The following NUP210 variants were observed in gnomAD, a reference collection of about 807,000 sequenced individuals.
NUP210 encodes the protein nucleoporin 210, also known as nuclear pore membrane glycoprotein 210.
Under a neutral mutation model 196.0 loss-of-function variants are expected in NUP210, and 151 were observed. The ratio of observed to expected loss-of-function variants is 0.77; its 90% confidence interval spans 0.67 to 0.88. NUP210 has a LOEUF of 0.88. Among genes scored for constraint, NUP210 ranks in the 40% least tolerant of loss-of-function variants. NUP210 has a pLI of 0.00. For synonymous variants in NUP210, 1,070 were observed against 1,052.7 expected (o/e 1.02, Z -0.32); for missense variants, 2,314 against 2,493.7 (o/e 0.93, Z 1.53).
chr3:13,391,083 G>A (rs954182307), intron 4 of NUP210, 128 bp downstream of exon 4: 38 of 664,376 alleles, frequency 5.7e-5, no homozygotes, highest in Non-Finnish European at 1.0e-4. Flanking sequence ...GGAATGTTAC[G>A]GGCATCCTAG....
At chr3:13,393,016 G>A (rs1699541005) in intron 3 of NUP210, among the ~76,000 whole-genome samples, 1 of 152,208 alleles carries the variant, frequency 6.6e-6, no homozygotes. Context: ...AACCAGAAAC[G>A]CAAGACTGCA....
intron 1 of NUP210, among the ~76,000 whole-genome samples, chr3:13,414,578 GC>G (rs899252461): frequency 5.9e-5 from 9 of 152,066 alleles, no homozygotes; most frequent in Non-Finnish European, 1.2e-4. Context: ...ACATGGCCCC[GC>G]CCTGCCAACC....
chr3:13,395,861 A>G (rs1464764640), intron 3 of NUP210, among the ~76,000 whole-genome samples: 2 of 152,182 alleles, frequency 1.3e-5, no homozygotes, highest in African/African-American at 4.8e-5. Context: ...TTCTTTCCCT[A>G]TAGCAACACT....
intron 36 of NUP210, among the ~76,000 whole-genome samples, chr3:13,320,852 A>G (rs1005590203): frequency 8.0e-5 from 12 of 150,284 alleles, no homozygotes; most frequent in African/African-American, 2.9e-4. Flanking sequence ...AGATTGCGCC[A>G]CTGCACTCCA....
intron 20 of NUP210, among the ~76,000 whole-genome samples, chr3:13,343,506 G>A (rs537986508): frequency 1.6e-4 from 25 of 152,326 alleles, no homozygotes; most frequent in African/African-American, 5.8e-4. Flanking sequence ...CCCACCTCTC[G>A]TCATGAGCCC....
chr3:13,417,828 A>T (rs1249624962), intron 1 of NUP210, among the ~76,000 whole-genome samples: 1 of 152,212 alleles, frequency 6.6e-6, no homozygotes, highest in Admixed American at 6.5e-5. Context: ...TGCATCAGAG[A>T]TTAAGAATGT....
Position 13,379,709 on chromosome 3 carries a change from G to A in NUP210, c.830C>T (p.Pro277Leu), listed in dbSNP as rs749146284. Reference sequence around the variant, plus strand: ...AAGCTGCAACTCGTACTGATCGGAAGGCATGGAGAGTTCTGGCCACCAAGA... The same window carrying A: ...AAGCTGCAACTCGTACTGATCGGAAAGCATGGAGAGTTCTGGCCACCAAGA... The part of the protein sequence containing the change: ...RQGKITELSM[P>L]SDQYELQLQN... Residue 277 changes from proline (P) to leucine (L), a missense_variant, in exon 7 of 40, where the codon CCT becomes CTT. Pro to Leu is a moderately conservative substitution (Grantham distance 98, BLOSUM62 -3). Coordinates refer to ENST00000254508, the MANE Select transcript of NUP210 (RefSeq NM_024923.4). The surrounding 1 kb of genome is among the most constrained non-coding windows in gnomAD (Gnocchi z 4.2). 3.8e-6 allele frequency: 6 copies of A among 1,586,490 alleles called. No homozygotes were observed. The highest frequency in any genetic ancestry group is 1.8e-5 in the Admixed American group (1 of 54,338).
In NUP210 at chr3:13,418,970, A is replaced by AAAAG. The variant is rs1251807819; in HGVS notation, c.167+1086_167+1089dup. Reference sequence around the variant, plus strand: ...TCTCAAAAAAAAAAAAAAAAAAAAAAAAAGAAAGAAAGAAATAGGGCAAAT... The same window carrying AAAAG: ...TCTCAAAAAAAAAAAAAAAAAAAAAAAAAGAAAGAAAGAAAGAAATAGGGCAAAT... On this transcript the variant is annotated intron_variant, in intron 1 of 39. Coordinates refer to ENST00000254508, the MANE Select transcript of NUP210 (RefSeq NM_024923.4). Among the ~76,000 whole-genome samples the AAAAG allele has an allele frequency of 4.3e-4, 56 of 131,670 alleles. 1 individual carries two copies. Among genetic ancestry groups the AAAAG allele is most frequent in the South Asian group, 3.6e-3 (15 of 4,164 alleles). 86.4% of individuals were successfully genotyped at this position (131,670 alleles called of 152,430 possible).
Position 13,321,838 on chromosome 3 carries a change from G to A in NUP210, c.4916-3C>T, listed in dbSNP as rs777932645. 17 of 1,602,366 alleles carry A rather than the reference G, an allele frequency of 1.1e-5. No homozygotes were observed. Among genetic ancestry groups the A allele is most frequent in the Non-Finnish European group, 1.3e-5 (15 of 1,179,410 alleles). Reference sequence around the variant, plus strand: ...TGTGATTGAGCAGAAGTACTGGCCTGCGAAGACAAGGGTGTATTGTCTTGT... The same window carrying A: ...TGTGATTGAGCAGAAGTACTGGCCTACGAAGACAAGGGTGTATTGTCTTGT... On this transcript the variant is annotated splice_polypyrimidine_tract_variant and splice_region_variant and intron_variant, in intron 35 of 39. Transcript: ENST00000254508.
chr3:13,348,138 G>A lies in NUP210; in HGVS notation c.2835+3741C>T, dbSNP rs746316951. On this transcript the variant is annotated intron_variant, in intron 20 of 39. Transcript: ENST00000254508. This position sits in a 1 kb window ranked among gnomAD's most constrained non-coding sequence, Gnocchi z 4.0. ...CTCCCCTGTGGCCACCTGTAAAACA[G>A]AACTGCAGAGGCACTCCTAGAATTG... is the stretch of plus-strand genomic sequence containing the variant. Among the ~76,000 whole-genome samples the A allele has an allele frequency of 3.3e-5, 5 of 152,198 alleles. No homozygotes were observed. The highest frequency in any genetic ancestry group is 1.3e-4 in the Admixed American group (2 of 15,280).
At chr3:13,360,782 A>G (rs556957946) in intron 14 of NUP210, among the ~76,000 whole-genome samples, 1 of 152,290 alleles carries the variant, frequency 6.6e-6, no homozygotes, top group East Asian at 1.9e-4. Context: ...GAAAATACCC[A>G]CAGCCCTGGA....
At chr3:13,322,043 C>A in intron 35 of NUP210, 150 bp downstream of exon 35, 1 of 1,154,728 alleles carries the variant, frequency 8.7e-7, no homozygotes. Flanking sequence ...CCTCCCAAGT[C>A]CCCCTGGCGT....
At chr3:13,351,021 T>C (rs893659542) in intron 20 of NUP210, among the ~76,000 whole-genome samples, 2 of 152,142 alleles carry the variant, frequency 1.3e-5, no homozygotes, top group African/African-American at 4.8e-5. Flanking sequence ...TTGAAAAGTA[T>C]AACAGCTGAA....
In NUP210 at chr3:13,378,942, T is replaced by A. The variant is rs112031823; in HGVS notation, c.1015A>T (p.Thr339Ser). The change falls in exon 8 of 40, where the codon ACT becomes TCT. Residue 339 changes from threonine to serine, a missense_variant. Physicochemically the swap from Thr to Ser is moderately conservative, Grantham distance 58 (BLOSUM62 1). Transcript: ENST00000254508. Reference protein sequence around the residue: ...MQGASRLPNSTIYVVEPGYLG... With the variant: ...MQGASRLPNSSIYVVEPGYLG... ...TATCCAGGTTCGACCACGTAGATAG[T>A]GCTGTTGGGTAACCTAGAAGCACCT... The A allele has an allele frequency of 1.2e-6, 2 of 1,614,158 alleles. No individual in the cohort carries two copies. Among genetic ancestry groups the A allele is most frequent in the Non-Finnish European group, 1.7e-6 (2 of 1,180,000 alleles).
chr3:13,383,594 C>T (rs1475718190), intron 6 of NUP210, among the ~76,000 whole-genome samples: 1 of 141,468 alleles, frequency 7.1e-6, no homozygotes. Context: ...GCGATCTCAG[C>T]TACTGCAACA....
rs771863660 is a variant in NUP210 at position 13,339,956 on chromosome 3, G to A, written c.3369C>T (p.Ser1123=). The change falls in exon 25 of 40, where the codon AGC becomes AGT. Residue 1123 remains serine (S), a synonymous_variant. Transcript: ENST00000254508. The part of the protein sequence containing the change: ...SISNESVALV[S]AAGLVQGLAI... ...CGAGGCCCTGTACCAGCCCAGCAGC[G>A]CTCACCAGCGCAACGCTCTCATTGC... is the stretch of plus-strand genomic sequence containing the variant. 7 of 1,613,914 alleles carry A rather than the reference G, an allele frequency of 4.3e-6. No individual in the cohort carries two copies. The highest frequency in any genetic ancestry group is 3.3e-5 in the Admixed American group (2 of 60,008).
chr3:13,381,416 TTTTC>T (rs1375816848), intron 6 of NUP210, among the ~76,000 whole-genome samples: 55 of 92,978 alleles, frequency 5.9e-4, no homozygotes, highest in Non-Finnish European at 5.0e-4. Context: ...TTTTCTTTTC[TTTTC>T]TTTTTTTTTT....
chr3:13,342,198 T>C, intron 21 of NUP210, 75 bp from the exon 22 acceptor site: 1 of 1,568,868 alleles, frequency 6.4e-7, no homozygotes, highest in Non-Finnish European at 8.7e-7. Flanking sequence ...TCCGTGACTT[T>C]CTGAGATAGC....
intron 20 of NUP210, chr3:13,351,581 G>T (rs1697972623): frequency 3.0e-6 from 1 of 328,600 alleles, no homozygotes; most frequent in African/African-American, 2.1e-5. Flanking sequence ...CAACCTCCGG[G>T]GCTCAAGCAA....
Sources: gnomAD v4.1 joint callset for allele counts (sites outside exome capture counted in the v4.1 genomes callset) on GRCh38, gnomAD v4.1.1 for gene constraint, Gnocchi (gnomAD v3.1) non-coding constraint, MANE v1.5 for transcripts, NCBI Gene and HGNC (gene_info 2026-07-23, HGNC 2026-07-21) for gene names.